Variants in PTPRR observed in about 807,000 individuals in gnomAD.
PTPRR encodes protein tyrosine phosphatase receptor type R, also known as receptor-type tyrosine-protein phosphatase R.
PTPRR carries 38 observed loss-of-function variants against 77.2 expected under a neutral mutation model. The observed-to-expected ratio is 0.49, with a 90% CI of 0.38 to 0.65. The LOEUF (loss-of-function observed/expected upper bound fraction) is 0.65. Ranked by LOEUF, PTPRR falls within the 30% of genes least tolerant of loss-of-function variation. The pLI is 0.00. For missense variants in PTPRR, 744 were observed against 799.2 expected (o/e 0.93, Z 0.83); for synonymous variants, 299 against 283.1 (o/e 1.06, Z -0.57).
chr12:70,769,409 A>T (rs1890912587), intron 2 of PTPRR, among the ~76,000 whole-genome samples: 1 of 152,160 alleles, frequency 6.6e-6, no homozygotes, highest in African/African-American at 2.4e-5. Context: ...TCCCATTCAC[A>T]ATTGCTTCAA....
At position 70,859,422 on chromosome 12, in the gene PTPRR, T is replaced by G. The variant is rs1892711128; in HGVS notation, c.357+33257A>C. Among the ~76,000 whole-genome samples the G allele has an allele frequency of 2.0e-5, 3 of 152,018 alleles. No individual in the cohort carries two copies. In the South Asian group the frequency reaches 6.2e-4, roughly 31 times the overall value. On this transcript the variant is annotated intron_variant, in intron 2 of 13. Transcript: ENST00000283228. ...TGACATAGAGTCCAAAGAGAAGTTG[T>G]TTGTTGTTAATTGTATCATCGTTTT...
intron 4 of PTPRR, among the ~76,000 whole-genome samples, chr12:70,758,218 G>A (rs1037014877): frequency 6.6e-6 from 1 of 152,082 alleles, no homozygotes; most frequent in African/African-American, 2.4e-5. Context: ...ACAATTTTAT[G>A]AGAATCTATC....
intron 2 of PTPRR, among the ~76,000 whole-genome samples, chr12:70,853,769 C>T (rs1892609250): frequency 1.3e-5 from 2 of 152,152 alleles, no homozygotes; most frequent in African/African-American, 2.4e-5. Flanking sequence ...CAGCCATGTC[C>T]CCGCTCCGCC....
In PTPRR at chr12:70,781,842, TA is replaced by T. The variant is rs574095061; in HGVS notation, c.358-17065del. Among the ~76,000 whole-genome samples the T allele has an allele frequency of 6.6e-5, 10 of 152,318 alleles. No individual in the cohort carries two copies. The East Asian group carries it at 1.9e-3, about 29-fold the overall frequency. On this transcript the variant is annotated intron_variant, in intron 2 of 13. Coordinates refer to ENST00000283228, the MANE Select transcript of PTPRR (RefSeq NM_002849.4). Reference sequence around the variant, plus strand: ...TACAGCAATAGTGTCTTAGATGACTTACTCTTCCTTCTTAAGCTCCCTGCAT... The same window carrying T: ...TACAGCAATAGTGTCTTAGATGACTTCTCTTCCTTCTTAAGCTCCCTGCAT...
intron 2 of PTPRR, among the ~76,000 whole-genome samples, chr12:70,850,182 T>C (rs189226802): frequency 5.3e-5 from 8 of 152,000 alleles, no homozygotes; most frequent in African/African-American, 1.4e-4. Context: ...GCCAAAGTGG[T>C]AAAACCCTGT....
At chr12:70,838,035 C>G (rs563853125) in intron 2 of PTPRR, among the ~76,000 whole-genome samples, 29 of 152,270 alleles carry the variant, frequency 1.9e-4, no homozygotes, top group African/African-American at 7.0e-4. Context: ...GATTTCCCCA[C>G]CATAAGTTCA....
At chr12:70,829,486 A>T (rs996931861) in intron 2 of PTPRR, among the ~76,000 whole-genome samples, 1 of 152,158 alleles carries the variant, frequency 6.6e-6, no homozygotes, top group Non-Finnish European at 1.5e-5. Context: ...ACATTTATTT[A>T]TGTACTTTTA....
intron 2 of PTPRR, among the ~76,000 whole-genome samples, chr12:70,841,230 C>A (rs902018538): frequency 2.0e-5 from 3 of 151,904 alleles, no homozygotes; most frequent in African/African-American, 4.8e-5. Flanking sequence ...ATAGCAACAG[C>A]CAGCTTTATC....
At chr12:70,671,759 C>G (rs1488216604) in intron 10 of PTPRR, among the ~76,000 whole-genome samples, 1 of 152,228 alleles carries the variant, frequency 6.6e-6, no homozygotes, top group African/African-American at 2.4e-5. Flanking sequence ...GGTAAACCAA[C>G]TCTGTGTCAC....
intron 1 of PTPRR, among the ~76,000 whole-genome samples, chr12:70,916,915 T>C (rs950560166): frequency 5.3e-5 from 8 of 152,272 alleles, no homozygotes; most frequent in African/African-American, 1.9e-4. Flanking sequence ...TTTCCAGAAC[T>C]CAAAGAGAAA....
intron 2 of PTPRR, among the ~76,000 whole-genome samples, chr12:70,878,157 A>G (rs2137100302): frequency 6.6e-6 from 1 of 152,206 alleles, no homozygotes; most frequent in South Asian, 2.1e-4. Context: ...CTAGACGAAA[A>G]CCTAGGCAAT....
intron 6 of PTPRR, among the ~76,000 whole-genome samples, chr12:70,730,435 C>T (rs369240043): frequency 4.6e-5 from 7 of 152,060 alleles, no homozygotes; most frequent in African/African-American, 1.4e-4. Flanking sequence ...AGCTTGGACC[C>T]TGGAGGAGGA....
chr12:70,901,405 A>G (rs1379143921), intron 1 of PTPRR, among the ~76,000 whole-genome samples: 1 of 151,790 alleles, frequency 6.6e-6, no homozygotes, highest in Non-Finnish European at 1.5e-5. Flanking sequence ...TGCTATAAAA[A>G]TAGGCACATA....
intron 6 of PTPRR, among the ~76,000 whole-genome samples, chr12:70,702,173 C>A (rs975894534): frequency 1.3e-5 from 2 of 152,044 alleles, no homozygotes; most frequent in African/African-American, 4.8e-5. Context: ...CCCCTTTTCC[C>A]GCTGGGGGGC....
intron 13 of PTPRR, among the ~76,000 whole-genome samples, chr12:70,645,361 C>T (rs1566039308): frequency 6.6e-6 from 1 of 152,202 alleles, no homozygotes. Context: ...ACTCTTGGCA[C>T]AGTAACTGCC....
intron 2 of PTPRR, among the ~76,000 whole-genome samples, chr12:70,770,816 A>AT (rs1890954199): frequency 6.6e-6 from 1 of 152,084 alleles, no homozygotes; most frequent in South Asian, 2.1e-4. Context: ...ACGGAATACT[A>AT]TGCAGCCATA....
At chr12:70,767,929 A>C (rs1890869300) in intron 2 of PTPRR, among the ~76,000 whole-genome samples, 1 of 152,166 alleles carries the variant, frequency 6.6e-6, no homozygotes, top group Non-Finnish European at 1.5e-5. Flanking sequence ...GTACATAACG[A>C]AATGAAGGCA....
intron 3 of PTPRR, among the ~76,000 whole-genome samples, chr12:70,762,538 C>G (rs1890716858): frequency 6.6e-6 from 1 of 152,196 alleles, no homozygotes; most frequent in Non-Finnish European, 1.5e-5. Context: ...CAGAGAACAA[C>G]AGACAATAAC....
rs148326669 is a variant in PTPRR at position 70,674,538 on chromosome 12, A to G, written c.1497+9589T>C. 4.2e-3 allele frequency among the ~76,000 whole-genome samples: 639 copies of G among 152,236 alleles called. 3 individuals carry two copies. The highest frequency in any genetic ancestry group is 0.015 in the African/African-American group (617 of 41,540). On this transcript the variant is annotated intron_variant, in intron 10 of 13. Transcript: ENST00000283228. ...TGTTAAAACTTTTTTTAAGCATCAA[A>G]GTGTATTTTTTAATCTTATCTTTCT...
Sources: gnomAD v4.1 joint callset for allele counts (sites outside exome capture counted in the v4.1 genomes callset) on GRCh38, gnomAD v4.1.1 for gene constraint, MANE v1.5 for transcripts, NCBI Gene and HGNC (gene_info 2026-07-23, HGNC 2026-07-21) for gene names.